The following MACROD2 variants were observed in gnomAD, a reference collection of about 807,000 sequenced individuals.
The protein encoded by MACROD2 is ADP-ribose glycohydrolase MACROD2.
A neutral mutation model predicts 70.4 loss-of-function variants in MACROD2; 36 were observed. The observed-to-expected ratio is 0.51, with a 90% CI of 0.39 to 0.68. MACROD2 has a LOEUF of 0.68. MACROD2 is among the 30% of genes least tolerant of loss of function. MACROD2 has a pLI of 0.00. For synonymous variants in MACROD2, 172 were observed against 178.8 expected, an observed-to-expected ratio of 0.96 and a Z score of 0.30; for missense variants, 496 against 538.4, an observed-to-expected ratio of 0.92 and a Z score of 0.78.
chr20:14,766,080 C>T (rs1330739197), intron 5 of MACROD2, among the ~76,000 whole-genome samples: 2 of 152,074 alleles, frequency 1.3e-5, no homozygotes, highest in Admixed American at 6.5e-5. Context: ...TGCCCTCACA[C>T]TTACGATTCA....
rs1167147601 is a variant in MACROD2 at position 16,052,699 on chromosome 20, A to G, written c.*2823A>G. On this transcript the variant is annotated 3_prime_UTR_variant, in exon 18 of 18. Coordinates refer to ENST00000684519, the MANE Select transcript of MACROD2 (RefSeq NM_001351661.2). ...GCAGCTAATTGTAAATCTTTCTATG[A>G]AACACTGAAAAGCCTCTTTGTGAAT... 1 of 152,672 alleles carries G rather than the reference A, an allele frequency of 6.5e-6. No individual in the cohort carries two copies. The highest frequency in any genetic ancestry group is 1.5e-5 in the Non-Finnish European group (1 of 68,044). 9.5% of individuals were successfully genotyped at this position (152,672 alleles called of 1,614,324 possible). A position where few individuals can be genotyped will look rare whatever the true frequency, so the allele number is the denominator to read the frequency against.
At chr20:15,320,376 A>G (rs1475086257) in intron 6 of MACROD2, among the ~76,000 whole-genome samples, 1 of 152,182 alleles carries the variant, frequency 6.6e-6, no homozygotes, top group Non-Finnish European at 1.5e-5. Flanking sequence ...ACGCCATTGA[A>G]TCCTTCACTC....
intron 3 of MACROD2, among the ~76,000 whole-genome samples, chr20:14,125,426 AGGC>A (rs2054636088): frequency 6.6e-6 from 1 of 152,164 alleles, no homozygotes; most frequent in Admixed American, 6.6e-5. Context: ...TTTCAGGCTT[AGGC>A]TACCTTGTTG....
intron 6 of MACROD2, among the ~76,000 whole-genome samples, chr20:15,340,986 T>C (rs1260591546): frequency 1.3e-5 from 2 of 152,198 alleles, no homozygotes; most frequent in Non-Finnish European, 2.9e-5. Flanking sequence ...GAGTTGGGAA[T>C]GAAAGGAATT....
At chr20:15,410,084 A>G (rs986435232) in intron 6 of MACROD2, among the ~76,000 whole-genome samples, 33 of 151,960 alleles carry the variant, frequency 2.2e-4, no homozygotes, top group African/African-American at 8.0e-4. Context: ...TAGTTTCTCT[A>G]TAAGATTTTT....
At chr20:14,439,906 T>G (rs550615406) in intron 3 of MACROD2, among the ~76,000 whole-genome samples, 1 of 152,204 alleles carries the variant, frequency 6.6e-6, no homozygotes, top group Admixed American at 6.5e-5. Flanking sequence ...TTTACAGAGT[T>G]AAGCAGTAAA....
intron 5 of MACROD2, among the ~76,000 whole-genome samples, chr20:14,734,009 A>C (rs899457917): frequency 2.0e-5 from 3 of 152,116 alleles, no homozygotes; most frequent in Admixed American, 1.3e-4. Flanking sequence ...CAGATACTGT[A>C]TGTAGGCACT....
intron 6 of MACROD2, among the ~76,000 whole-genome samples, chr20:15,242,486 G>C (rs1046765595): frequency 4.6e-5 from 7 of 152,102 alleles, no homozygotes; most frequent in Non-Finnish European, 1.0e-4. Context: ...AAGAGATACT[G>C]GTCTTCAGTT....
chr20:15,010,603 T>C (rs2075075187), intron 5 of MACROD2, among the ~76,000 whole-genome samples: 1 of 152,230 alleles, frequency 6.6e-6, no homozygotes, highest in South Asian at 2.1e-4. Flanking sequence ...ATCTTCTATT[T>C]ATTTTCTGGG....
At chr20:14,095,622 T>C (rs890229925) in intron 3 of MACROD2, among the ~76,000 whole-genome samples, 1 of 152,218 alleles carries the variant, frequency 6.6e-6, no homozygotes, top group Admixed American at 6.5e-5. Context: ...GCCATCTATC[T>C]ATATTAAATA....
intron 5 of MACROD2, among the ~76,000 whole-genome samples, chr20:14,767,239 A>G (rs190164673): frequency 6.6e-6 from 1 of 152,276 alleles, no homozygotes; most frequent in East Asian, 1.9e-4. Context: ...TTTTTTTAAT[A>G]GTACAGTTCT....
chr20:14,562,526 C>T (rs997312829), intron 4 of MACROD2, among the ~76,000 whole-genome samples: 2 of 148,384 alleles, frequency 1.3e-5, no homozygotes, highest in East Asian at 2.0e-4. Context: ...TGATTGCACC[C>T]ACAACACATT....
At chr20:14,306,267 G>T (rs970949309) in intron 3 of MACROD2, among the ~76,000 whole-genome samples, 1 of 151,832 alleles carries the variant, frequency 6.6e-6, no homozygotes, top group Non-Finnish European at 1.5e-5. Context: ...TCTCTCTTAA[G>T]TCTGATTCTA....
At chr20:14,664,964 G>T (rs1173809500) in intron 4 of MACROD2, among the ~76,000 whole-genome samples, 1 of 152,066 alleles carries the variant, frequency 6.6e-6, no homozygotes, top group Non-Finnish European at 1.5e-5. Context: ...ATGGTTACTA[G>T]CATGGCTAAG....
intron 5 of MACROD2, among the ~76,000 whole-genome samples, chr20:15,024,861 T>C (rs1448314149): frequency 6.6e-6 from 1 of 152,220 alleles, no homozygotes; most frequent in East Asian, 1.9e-4. Context: ...GAGATTGCTT[T>C]TCCCTCAAGG....
At chr20:15,766,816 A>C (rs1600860138) in intron 8 of MACROD2, among the ~76,000 whole-genome samples, 1 of 152,228 alleles carries the variant, frequency 6.6e-6, no homozygotes. Context: ...ACAGACATCT[A>C]TTATATCTCA....
chr20:14,854,683 G>A (rs972771816), intron 5 of MACROD2, among the ~76,000 whole-genome samples: 4 of 152,104 alleles, frequency 2.6e-5, no homozygotes, highest in South Asian at 2.1e-4. Flanking sequence ...TGCAGGTTTC[G>A]TGGGGACTAA....
chr20:14,145,594 C>G (rs2054934018), intron 3 of MACROD2, among the ~76,000 whole-genome samples: 1 of 152,146 alleles, frequency 6.6e-6, no homozygotes, highest in Non-Finnish European at 1.5e-5. Flanking sequence ...GGTAATAGAG[C>G]TTTAATAGCA....
intron 5 of MACROD2, among the ~76,000 whole-genome samples, chr20:15,060,687 C>T (rs571893430): frequency 2.4e-4 from 37 of 152,214 alleles, no homozygotes; most frequent in Non-Finnish European, 5.1e-4. Flanking sequence ...CTGAGGATTA[C>T]TGAAGCCCAG....
Sources: gnomAD v4.1 joint callset for allele counts (sites outside exome capture counted in the v4.1 genomes callset) on GRCh38, gnomAD v4.1.1 for gene constraint, MANE v1.5 for transcripts, NCBI Gene and HGNC (gene_info 2026-07-23, HGNC 2026-07-21) for gene names.